The following TMPRSS11E variants were observed in gnomAD, a reference collection of about 807,000 sequenced individuals.
The protein encoded by TMPRSS11E is transmembrane protease serine 11E.
A neutral mutation model predicts 48.1 loss-of-function variants in TMPRSS11E; 38 were observed. The observed-to-expected ratio is 0.79, with a 90% CI of 0.61 to 1.04. The LOEUF (loss-of-function observed/expected upper bound fraction) is 1.04, where lower values mean the gene tolerates loss of function less well. TMPRSS11E is among the 50% of genes least tolerant of loss of function. The pLI is 0.00. For synonymous variants in TMPRSS11E, 158 were observed against 171.9 expected (o/e 0.92, Z 0.63); for missense variants, 530 against 510.8 (o/e 1.04, Z -0.36).
chr4:68,460,954 C>CA (rs1728773646), intron 1 of TMPRSS11E, among the ~76,000 whole-genome samples: 1 of 150,940 alleles, frequency 6.6e-6, no homozygotes, highest in Non-Finnish European at 1.5e-5. Context: ...GATCTTAGCT[C>CA]ACTCCAAGCT....
intron 9 of TMPRSS11E, among the ~76,000 whole-genome samples, chr4:68,489,033 G>T (rs935320778): frequency 6.6e-6 from 1 of 152,136 alleles, no homozygotes; most frequent in South Asian, 2.1e-4. Flanking sequence ...CAGTCATTTG[G>T]AGGTAAGAAG....
chr4:68,457,129 T>C (rs1014246301), intron 1 of TMPRSS11E, among the ~76,000 whole-genome samples: 1 of 152,044 alleles, frequency 6.6e-6, no homozygotes, highest in Non-Finnish European at 1.5e-5. Context: ...ACCTAGAGAA[T>C]GGGAGAAAAT....
Position 68,466,787 on chromosome 4 carries a change from C to T in TMPRSS11E, c.258+35C>T, listed in dbSNP as rs759076898. 3.1e-6 allele frequency: 5 copies of T among 1,611,362 alleles called. No homozygotes were observed. The Admixed American group carries it at 5.0e-5, about 16-fold the overall frequency. On this transcript the variant is annotated intron_variant, in intron 3 of 9. Coordinates refer to ENST00000305363, the MANE Select transcript of TMPRSS11E (RefSeq NM_014058.4). ...TTGTCATCTACTTCTAGTGCATTTGCTTTCACTTTTTACCATATTTTTAGC... is the reference window on the plus strand; with the variant it reads ...TTGTCATCTACTTCTAGTGCATTTGTTTTCACTTTTTACCATATTTTTAGC...
chr4:68,468,882 A>C lies in TMPRSS11E; in HGVS notation c.262A>C (p.Lys88Gln), dbSNP rs758082339. Residue 88 changes from lysine to glutamine, a missense_variant, in exon 4 of 10, where the codon AAA becomes CAA. By Grantham distance (53) the Lys-to-Gln change is moderately conservative (BLOSUM62 1). Transcript: ENST00000305363. Reference protein sequence around the residue: ...EMSQRLESMVKNAFYKSPLRE... With the variant: ...EMSQRLESMVQNAFYKSPLRE... Reference sequence around the variant, plus strand: ...TTTTGAATATTTTTACAAACAGGTGAAAAATGCATTTTATAAATCTCCATT... The same window carrying C: ...TTTTGAATATTTTTACAAACAGGTGCAAAATGCATTTTATAAATCTCCATT... 4.6e-5 allele frequency: 73 copies of C among 1,601,004 alleles called. No individual in the cohort carries two copies. The South Asian group carries it at 6.2e-4, about 14-fold the overall frequency.
rs565791928 is a variant in TMPRSS11E at position 68,457,056 on chromosome 4, G to A, written c.12-4765G>A. Among the ~76,000 whole-genome samples, 9 of 152,168 alleles carry A rather than the reference G, an allele frequency of 5.9e-5. 1 individual carries two copies. In the South Asian group the frequency reaches 1.9e-3, roughly 32 times the overall value. On this transcript the variant is annotated intron_variant, in intron 1 of 9. Transcript: ENST00000305363. ...CAACAGAAGCCAAAATTGACAAATGGGATCTAATTAAACTAAAGAGCCTCT... is the reference window on the plus strand; with the variant it reads ...CAACAGAAGCCAAAATTGACAAATGAGATCTAATTAAACTAAAGAGCCTCT...
intron 9 of TMPRSS11E, among the ~76,000 whole-genome samples, chr4:68,486,878 C>T (rs1238020533): frequency 6.6e-6 from 1 of 152,158 alleles, no homozygotes; most frequent in African/African-American, 2.4e-5. Flanking sequence ...CACTTTGTTA[C>T]ACCATTTTTT....
chr4:68,482,590 CAAAAAAAAAAAA>C (rs371144994), intron 9 of TMPRSS11E, among the ~76,000 whole-genome samples: 5 of 106,086 alleles, frequency 4.7e-5, no homozygotes, highest in East Asian at 5.1e-4. Context: ...TGCATCTCCA[CAAAAAAAAAAAA>C]AAAAAAAAAA....
chr4:68,452,781 A>T (rs1728534825), intron 1 of TMPRSS11E, among the ~76,000 whole-genome samples: 1 of 152,002 alleles, frequency 6.6e-6, no homozygotes, highest in African/African-American at 2.4e-5. Flanking sequence ...CAATCTTTTA[A>T]TTATATAGTA....
chr4:68,456,588 C>G (rs1489126414), intron 1 of TMPRSS11E, among the ~76,000 whole-genome samples: 3 of 152,034 alleles, frequency 2.0e-5, no homozygotes, highest in African/African-American at 7.2e-5. Flanking sequence ...GTCACCAATG[C>G]TTGCTGGTTT....
At chr4:68,448,835 G>C (rs1229357142) in intron 1 of TMPRSS11E, among the ~76,000 whole-genome samples, 1 of 151,860 alleles carries the variant, frequency 6.6e-6, no homozygotes, top group Non-Finnish European at 1.5e-5. Context: ...ATCTATGTTT[G>C]AGTGGGTCTA....
At chr4:68,488,819 C>A (rs2109717524) in intron 9 of TMPRSS11E, among the ~76,000 whole-genome samples, 1 of 152,308 alleles carries the variant, frequency 6.6e-6, no homozygotes, top group South Asian at 2.1e-4. Flanking sequence ...GGATTACAGG[C>A]GTGAGCCACC....
intron 9 of TMPRSS11E, among the ~76,000 whole-genome samples, chr4:68,490,056 G>A (rs1266136016): frequency 6.6e-6 from 1 of 152,164 alleles, no homozygotes; most frequent in African/African-American, 2.4e-5. Flanking sequence ...GATTCTGGAG[G>A]TCTGTGGTGT....
At position 68,496,904 on chromosome 4, in the gene TMPRSS11E, T is replaced by C; in HGVS notation, c.*100T>C. Reference sequence around the variant, plus strand: ...AATTGGAGAAGACTTGCAAAACAGCTAGATTTGACTGATCTCAATAAACTG... The same window carrying C: ...AATTGGAGAAGACTTGCAAAACAGCCAGATTTGACTGATCTCAATAAACTG... On this transcript the variant is annotated 3_prime_UTR_variant, in exon 10 of 10. Coordinates refer to ENST00000305363, the MANE Select transcript of TMPRSS11E (RefSeq NM_014058.4). 1 of 1,166,754 alleles carries C rather than the reference T, an allele frequency of 8.6e-7. No individual in the cohort carries two copies. Among genetic ancestry groups the C allele is most frequent in the Non-Finnish European group, 1.2e-6 (1 of 814,920 alleles). The allele number at this position is 1,166,754 out of a possible 1,614,324, so 72.3% of individuals were successfully genotyped here.
chr4:68,491,953 G>C (rs1203335104), intron 9 of TMPRSS11E, among the ~76,000 whole-genome samples: 1 of 151,794 alleles, frequency 6.6e-6, no homozygotes, highest in Non-Finnish European at 1.5e-5. Flanking sequence ...TTTACCTTTG[G>C]GTTAGTCGTT....
chr4:68,472,265 G>A lies in TMPRSS11E; in HGVS notation c.490+642G>A, dbSNP rs1360173760. Among the ~76,000 whole-genome samples, 13 of 151,824 alleles carry A rather than the reference G, an allele frequency of 8.6e-5. No individual in the cohort carries two copies. In the Admixed American group the frequency reaches 8.6e-4, roughly 10 times the overall value. ...GTTCATATGTTACAGAACAATGAAG[G>A]TCTATAGAAATACTATCTGGGCACA... On this transcript the variant is annotated intron_variant, in intron 5 of 9. Coordinates refer to ENST00000305363, the MANE Select transcript of TMPRSS11E (RefSeq NM_014058.4).
chr4:68,493,810 C>A (rs901851695), intron 9 of TMPRSS11E, among the ~76,000 whole-genome samples: 1 of 152,028 alleles, frequency 6.6e-6, no homozygotes, highest in Non-Finnish European at 1.5e-5. Context: ...ATGTTCATGT[C>A]TAGCATCCAC....
At chr4:68,495,052 A>T (rs1054891818) in intron 9 of TMPRSS11E, among the ~76,000 whole-genome samples, 8 of 152,106 alleles carry the variant, frequency 5.3e-5, no homozygotes, top group African/African-American at 1.9e-4. Flanking sequence ...CACTCCCATT[A>T]TTCTGGCTCC....
At chr4:68,461,677 C>T in intron 1 of TMPRSS11E, 144 bp from the exon 2 acceptor site, 1 of 1,293,798 alleles carries the variant, frequency 7.7e-7, no homozygotes, top group South Asian at 1.5e-5. Flanking sequence ...GCCTCAGCAG[C>T]CTGGAACCAG....
chr4:68,466,590 C>G, intron 2 of TMPRSS11E, 41 bp from the exon 3 acceptor site: 1 of 1,603,552 alleles, frequency 6.2e-7, no homozygotes. Flanking sequence ...TTACACACAT[C>G]TGATAAAAAT....
Sources: gnomAD v4.1 joint callset for allele counts (sites outside exome capture counted in the v4.1 genomes callset) on GRCh38, gnomAD v4.1.1 for gene constraint, MANE v1.5 for transcripts, NCBI Gene and HGNC (gene_info 2026-07-23, HGNC 2026-07-21) for gene names.